LILRB2: variants seen among roughly 807,000 people sequenced by gnomAD.
LILRB2 encodes the protein leukocyte immunoglobulin like receptor B2.
LILRB2 carries 47 observed loss-of-function variants against 72.7 expected under a neutral mutation model. The observed-to-expected ratio is 0.65, with a 90% CI of 0.51 to 0.82. The LOEUF (loss-of-function observed/expected upper bound fraction) is 0.82. Among genes scored for constraint, LILRB2 ranks in the 40% least tolerant of loss-of-function variants. The pLI, the probability that LILRB2 is intolerant of heterozygous loss-of-function variation, is 0.00. For synonymous variants in LILRB2, 279 were observed against 313.7 expected, an observed-to-expected ratio of 0.89 and a Z score of 1.17; for missense variants, 767 against 764.8, an observed-to-expected ratio of 1.00 and a Z score of -0.03.
chr19:54,278,846 C>G lies in LILRB2; in HGVS notation c.921G>C (p.Ser307=), dbSNP rs774761409. The part of the protein sequence containing the change: ...YGAHNLSSEC[S]APSDPLDILI... ...GGATGTCCAGGGGGTCGCTGGGGGC[C>G]GAGCACTCAGAGGAGAGGTTGTGTG... Residue 307 remains serine (S), a synonymous_variant, in exon 6 of 14, where the codon TCG becomes TCC. Transcript: ENST00000314446. 13 of 1,612,928 alleles carry G rather than the reference C, an allele frequency of 8.1e-6. No individual in the cohort carries two copies. The highest frequency in any genetic ancestry group is 1.1e-5 in the Non-Finnish European group (13 of 1,179,602).
chr19:54,279,972 G>A lies in LILRB2; in HGVS notation c.174C>T (p.Tyr58=). 1 of 1,614,126 alleles carries A rather than the reference G, an allele frequency of 6.2e-7. No homozygotes were observed. Among genetic ancestry groups the A allele is most frequent in the Non-Finnish European group, 8.5e-7 (1 of 1,180,002 alleles). The change falls in exon 4 of 14, where the codon TAC becomes TAT. Residue 58 remains tyrosine, a synonymous_variant. Transcript: ENST00000314446. Reference sequence around the variant, plus strand: ...CTGATTTTTTCTCCCTATATAGACGGTACTCCTGGGCTTCAAGGCTCCCCT... The same window carrying A: ...CTGATTTTTTCTCCCTATATAGACGATACTCCTGGGCTTCAAGGCTCCCCT... ...SCQGSLEAQE[Y]RLYREKKSAS...
intron 13 of LILRB2, 137 bp from the exon 14 acceptor site, chr19:54,274,966 C>G: frequency 1.9e-6 from 3 of 1,576,120 alleles, no homozygotes; most frequent in Non-Finnish European, 2.6e-6. Context: ...CAGGAATTCC[C>G]CGGACAGTGG....
Position 54,278,324 on chromosome 19 carries a change from G to T in LILRB2, c.1194C>A (p.Gly398=), listed in dbSNP as rs147734138. ...SAHAGTYRCY[G]SLNSDPYLLS... ...GCAGGTAGGGGTCGGAGTTGAGTGA[G>T]CCGTAGCACCTGTAGGTCCCCGCGT... The change falls in exon 7 of 14, where the codon GGC becomes GGA. Residue 398 remains glycine, a synonymous_variant. Coordinates refer to ENST00000314446, the MANE Select transcript of LILRB2 (RefSeq NM_001080978.4). 4.6e-5 allele frequency: 74 copies of T among 1,614,102 alleles called. No homozygotes were observed. The highest frequency in any genetic ancestry group is 1.6e-4 in the Middle Eastern group (1 of 6,084).
rs532414442 is a variant in LILRB2, at chr19:54,278,973, C to T, written c.794G>A (p.Arg265His). ...CTGGGGCTGCCGGCCAGGGAGCTGG[C>T]GAAGGTCACGTTCCCCCTCCTTGTA... ...VLYKEGERDL[R>H]QLPGRQPQAG... The change falls in exon 6 of 14, where the codon CGC becomes CAC. Residue 265 changes from arginine (R) to histidine (H), a missense_variant. Arg to His is a conservative substitution (Grantham distance 29). Around this residue, in one of 3 missense-constraint regions of LILRB2, gnomAD observed 599 missense variants for 568.2 expected, o/e 1.05. Transcript: ENST00000314446. The T allele has an allele frequency of 6.4e-5, 102 of 1,585,310 alleles. No homozygotes were observed. The highest frequency in any genetic ancestry group is 2.2e-4 in the South Asian group (20 of 89,436).
chr19:54,276,706 C>T, intron 10 of LILRB2, 101 bp downstream of exon 10: 3 of 1,522,574 alleles, frequency 2.0e-6, no homozygotes, highest in African/African-American at 1.4e-5. Flanking sequence ...AATGCTGGAA[C>T]AGTTTCTCAA....
In LILRB2 at chr19:54,275,964, T is replaced by C. The variant is rs776344748; in HGVS notation, c.1634A>G (p.Glu545Gly). The change falls in exon 13 of 14, where the codon GAG (glutamate) becomes GGG (glycine). Residue 545 changes from glutamate (E) to glycine (G), a missense_variant. Glu to Gly is a moderately conservative substitution (Grantham distance 98). Around this residue, in one of 3 missense-constraint regions of LILRB2, gnomAD observed 162 missense variants for 176.7 expected, o/e 0.92. Transcript: ENST00000314446. Reference protein sequence around the residue: ...VKDTQPEDGVEMDTRAAASEA... With the variant: ...VKDTQPEDGVGMDTRAAASEA... The stretch of plus-strand genomic sequence containing the variant: ...GCGGGGTCTCACCCGAGTGTCCATC[T>C]CCACCCCATCTTCAGGCTGTGTGTC... 5 of 1,614,162 alleles carry C rather than the reference T, an allele frequency of 3.1e-6. No individual in the cohort carries two copies. Among genetic ancestry groups the C allele is most frequent in the African/African-American group, 1.3e-5 (1 of 75,066 alleles).
chr19:54,278,943 C>A lies in LILRB2; in HGVS notation c.824G>T (p.Gly275Val). The A allele has an allele frequency of 6.2e-7, 1 of 1,614,180 alleles. No individual in the cohort carries two copies. Among genetic ancestry groups the A allele is most frequent in the Non-Finnish European group, 8.5e-7 (1 of 1,180,004 alleles). ...RQLPGRQPQA[G>V]LSQANFTLGP... ...CAGGGTGAAGTTGGCCTGGGAGAGC[C>A]CAGCCTGGGGCTGCCGGCCAGGGAG... The change falls in exon 6 of 14, where the codon GGG (glycine) becomes GTG (valine). Residue 275 changes from glycine (G) to valine (V), a missense_variant. By Grantham distance (109) the Gly-to-Val change is moderately radical. Transcript: ENST00000314446.
In LILRB2 at chr19:54,276,881, A is replaced by G. The variant is rs141786258; in HGVS notation, c.1406T>C (p.Val469Ala). Residue 469 changes from valine to alanine, a missense_variant, in exon 10 of 14, where the codon GTC (valine) becomes GCC (alanine). Transcript: ENST00000314446. Reference sequence around the variant, plus strand: ...GAGGAGGAGGAGGAGGAGCAGTAGGACGACGGCCACCAAGATGCCGATCAC... The same window carrying G: ...GAGGAGGAGGAGGAGGAGCAGTAGGGCGACGGCCACCAAGATGCCGATCAC... ...GVVIGILVAV[V>A]LLLLLLLLLF... 1 of 1,613,816 alleles carries G rather than the reference A, an allele frequency of 6.2e-7. No homozygotes were observed. Among genetic ancestry groups the G allele is most frequent in the African/African-American group, 1.3e-5 (1 of 74,846 alleles).
In LILRB2 at chr19:54,274,519, G is replaced by T; in HGVS notation, c.*164C>A. ...AAAATGTAGGGATATTAGTTATTTC[G>T]ACTGCAGAATCAAGTGAGTCCCAAA... On this transcript the variant is annotated 3_prime_UTR_variant, in exon 14 of 14. Coordinates refer to ENST00000314446, the MANE Select transcript of LILRB2 (RefSeq NM_001080978.4). 2 of 1,284,434 alleles carry T rather than the reference G, an allele frequency of 1.6e-6. No homozygotes were observed. Among genetic ancestry groups the T allele is most frequent in the South Asian group, 1.6e-5 (1 of 63,918 alleles). 79.6% of individuals were successfully genotyped at this position (1,284,434 alleles called of 1,614,324 possible).
intron 13 of LILRB2, 150 bp from the exon 14 acceptor site, chr19:54,274,979 A>G (rs1358596620): frequency 5.0e-6 from 8 of 1,608,286 alleles, no homozygotes; most frequent in Non-Finnish European, 6.8e-6. Context: ...GACAGTGGGG[A>G]GGGAGGAGAG....
Position 54,274,276 on chromosome 19 carries a change from ATTC to A in LILRB2, c.*404_*406del, listed in dbSNP as rs1420947489. 2 of 171,792 alleles carry A rather than the reference ATTC, an allele frequency of 1.2e-5. No individual in the cohort carries two copies. Among genetic ancestry groups the A allele is most frequent in the African/African-American group, 4.9e-5 (2 of 41,204 alleles). 10.6% of individuals were successfully genotyped at this position (171,792 alleles called of 1,614,324 possible). A position where few individuals can be genotyped will look rare whatever the true frequency, so the allele number is the denominator to read the frequency against. On this transcript the variant is annotated 3_prime_UTR_variant, in exon 14 of 14. Coordinates refer to ENST00000314446, the MANE Select transcript of LILRB2 (RefSeq NM_001080978.4). ...ACACCTTCATTTGGAATAATTGGTT[ATTC>A]TTTTTCTAAATTCCTTATACGAAAG...
Position 54,279,452 on chromosome 19 carries a change from C to A in LILRB2, c.551G>T (p.Gly184Val). The A allele has an allele frequency of 6.2e-7, 1 of 1,614,188 alleles. No homozygotes were observed. Among genetic ancestry groups the A allele is most frequent in the Non-Finnish European group, 8.5e-7 (1 of 1,180,022 alleles). The change falls in exon 5 of 14, where the codon GGC becomes GTC. Residue 184 changes from glycine to valine, a missense_variant. By Grantham distance (109) the Gly-to-Val change is moderately radical. Transcript: ENST00000314446. The part of the protein sequence containing the change: ...RGSSRAIFSV[G>V]PVSPNRRWSH... Reference sequence around the variant, plus strand: ...CCACCTGCGATTCGGGCTCACGGGGCCCACGGAGAAGATGGCGCGGGACGA... The same window carrying A: ...CCACCTGCGATTCGGGCTCACGGGGACCACGGAGAAGATGGCGCGGGACGA...
chr19:54,274,671 G>A lies in LILRB2; in HGVS notation c.*12C>T, dbSNP rs1482172655. On this transcript the variant is annotated 3_prime_UTR_variant, in exon 14 of 14. Coordinates refer to ENST00000314446, the MANE Select transcript of LILRB2 (RefSeq NM_001080978.4). The stretch of plus-strand genomic sequence containing the variant: ...TCCTTCTACTGAGTGTGGAGTCTGC[G>A]TACCCTCCGGGCTAGTGGATGGCCA... The A allele has an allele frequency of 8.1e-6, 13 of 1,613,886 alleles. No homozygotes were observed. The highest frequency in any genetic ancestry group is 1.6e-4 in the Middle Eastern group (1 of 6,084).
Position 54,274,679 on chromosome 19 carries a change from C to T in LILRB2, c.*4G>A, listed in dbSNP as rs373015517. ...CTGAGTGTGGAGTCTGCGTACCCTC[C>T]GGGCTAGTGGATGGCCAGGGTGGCG... On this transcript the variant is annotated 3_prime_UTR_variant, in exon 14 of 14. Coordinates refer to ENST00000314446, the MANE Select transcript of LILRB2 (RefSeq NM_001080978.4). 3.0e-5 allele frequency: 49 copies of T among 1,613,654 alleles called. No individual in the cohort carries two copies. The highest frequency in any genetic ancestry group is 2.8e-4 in the African/African-American group (21 of 75,014).
In LILRB2 at chr19:54,279,106, C is replaced by G. The variant is rs767463194; in HGVS notation, c.661G>C (p.Val221Leu). 15 of 1,612,050 alleles carry G rather than the reference C, an allele frequency of 9.3e-6. No homozygotes were observed. The highest frequency in any genetic ancestry group is 1.3e-5 in the Non-Finnish European group (15 of 1,178,442). ...SDLLELLVPGVSKKPSLSVQP... is the reference protein window; with the variant it reads ...SDLLELLVPGLSKKPSLSVQP... ...ACTGAGAGTGATGGCTTCTTAGAAA[C>G]ACCTGGGAAAAGGTGCTCATGGTTT... The change falls in exon 6 of 14, where the codon GTT becomes CTT. Residue 221 changes from valine (V) to leucine (L), a missense_variant and splice_region_variant. Val to Leu is a conservative substitution (Grantham distance 32). Transcript: ENST00000314446.
intron 10 of LILRB2, 114 bp downstream of exon 10, chr19:54,276,693 A>G (rs2080244710): frequency 6.6e-7 from 1 of 1,522,040 alleles, no homozygotes; most frequent in Admixed American, 2.1e-5. Flanking sequence ...TCACCTGGTG[A>G]GAAATGCTGG....
rs1009881046 is a variant in LILRB2, at chr19:54,274,562, A to C, written c.*121T>G. On this transcript the variant is annotated 3_prime_UTR_variant, in exon 14 of 14. Transcript: ENST00000314446. ...GTCCCAAAGTTCCCAGCATCTCCTC[A>C]TGGTCTTTGTTAGGGGTCCAGGCTG... 12 of 1,541,104 alleles carry C rather than the reference A, an allele frequency of 7.8e-6. No homozygotes were observed. The highest frequency in any genetic ancestry group is 1.1e-5 in the Non-Finnish European group (12 of 1,140,520).
At chr19:54,279,183 C>G in intron 5 of LILRB2, 75 bp from the exon 6 acceptor site, 1 of 1,562,164 alleles carries the variant, frequency 6.4e-7, no homozygotes, top group Non-Finnish European at 8.7e-7. Flanking sequence ...CCCCCGGTGC[C>G]TCACCACTGC....
rs61357118 is a variant in LILRB2 at position 54,278,691 on chromosome 19, C to G, written c.955+121G>C. On this transcript the variant is annotated intron_variant, in intron 6 of 13. Transcript: ENST00000314446. ...CCCTCCCCACCCATCCCCTGTCTCTCTCTCTGTCTCTCCCTCCCTTGGGAC... is the reference window on the plus strand; with the variant it reads ...CCCTCCCCACCCATCCCCTGTCTCTGTCTCTGTCTCTCCCTCCCTTGGGAC... The G allele has an allele frequency of 1.3e-5, 19 of 1,441,938 alleles. No individual in the cohort carries two copies. The African/African-American group carries it at 1.6e-4, about 12-fold the overall frequency. The allele number at this position is 1,441,938 out of a possible 1,614,324, so 89.3% of individuals were successfully genotyped here. A position where few individuals can be genotyped will look rare whatever the true frequency, so the allele number is the denominator to read the frequency against.
Sources: allele counts gnomAD v4.1 joint callset, GRCh38; gene constraint gnomAD v4.1.1; regional missense constraint gnomAD v4.1.1; transcripts MANE v1.5; gene names NCBI Gene and HGNC (gene_info 2026-07-23, HGNC 2026-07-21).